SLC25A37: variants seen among roughly 807,000 people sequenced by gnomAD.
SLC25A37 encodes mitoferrin-1.
Under a neutral mutation model 31.0 loss-of-function variants are expected in SLC25A37, and 17 were observed. The observed-to-expected ratio is 0.55, with a 90% CI of 0.38 to 0.82. The LOEUF (loss-of-function observed/expected upper bound fraction) is 0.82. Among genes scored for constraint, SLC25A37 ranks in the 40% least tolerant of loss-of-function variants. The pLI is 0.00. For missense variants in SLC25A37, 404 were observed against 465.8 expected (o/e 0.87, Z 1.22); for synonymous variants, 222 against 193.0 (o/e 1.15, Z -1.24).
rs1348910599 is a variant in SLC25A37 at position 23,529,848 on chromosome 8, C to T, written c.210+636C>T. Among the ~76,000 whole-genome samples, 1 of 152,048 alleles carries T rather than the reference C, an allele frequency of 6.6e-6. No homozygotes were observed. The highest frequency in any genetic ancestry group is 2.4e-5 in the African/African-American group (1 of 41,394). On this transcript the variant is annotated intron_variant, in intron 1 of 3. Coordinates refer to ENST00000519973, the MANE Select transcript of SLC25A37 (RefSeq NM_016612.4). The surrounding 1 kb of genome is among the most constrained non-coding windows in gnomAD (Gnocchi z 4.1). ...TGCACTTCTTCCCCCGACTTTGGGT[C>T]GCCGAGCCGCCGGGAGGCAATGACG... is the stretch of plus-strand genomic sequence containing the variant.
intron 1 of SLC25A37, among the ~76,000 whole-genome samples, chr8:23,538,877 G>T (rs1022919753): frequency 1.3e-5 from 2 of 152,188 alleles, no homozygotes; most frequent in African/African-American, 4.8e-5. Flanking sequence ...CAGGTCTAGA[G>T]CCTACAGGGT....
At chr8:23,541,166 T>C (rs1801884627) in intron 1 of SLC25A37, among the ~76,000 whole-genome samples, 1 of 152,066 alleles carries the variant, frequency 6.6e-6, no homozygotes, top group Non-Finnish European at 1.5e-5. Context: ...CGTGGTAATG[T>C]AGACAGGGGA....
Position 23,573,397 on chromosome 8 carries a change from G to A in SLC25A37, c.*1542G>A. ...CCGTGCAAGGGAATACCGACGAGAC[G>A]AGCTGCACTGTCTCTGATTTGGAGC... On this transcript the variant is annotated 3_prime_UTR_variant, in exon 4 of 4. Transcript: ENST00000519973. The A allele has an allele frequency of 5.9e-6, 1 of 168,504 alleles. No individual in the cohort carries two copies. The highest frequency in any genetic ancestry group is 1.3e-5 in the Non-Finnish European group (1 of 76,978). 10.4% of individuals were successfully genotyped at this position (168,504 alleles called of 1,614,324 possible).
intron 1 of SLC25A37, among the ~76,000 whole-genome samples, chr8:23,547,385 T>G (rs1802096863): frequency 6.6e-6 from 1 of 152,178 alleles, no homozygotes. Context: ...CATTTTAGGG[T>G]GAATTGTAAT....
chr8:23,566,774 C>G, intron 2 of SLC25A37: 1 of 990,590 alleles, frequency 1.0e-6, no homozygotes, highest in Non-Finnish European at 1.2e-6. Flanking sequence ...ACTGGTACAA[C>G]AGGTCTCTAC....
chr8:23,530,638 G>A (rs573343891), intron 1 of SLC25A37, among the ~76,000 whole-genome samples: 3 of 152,336 alleles, frequency 2.0e-5, no homozygotes, highest in Admixed American at 2.0e-4. Context: ...CATTTGTATG[G>A]GAAAGAATCC....
chr8:23,538,881 A>G (rs1000212422), intron 1 of SLC25A37, among the ~76,000 whole-genome samples: 2 of 152,148 alleles, frequency 1.3e-5, no homozygotes, highest in Non-Finnish European at 2.9e-5. Context: ...TCTAGAGCCT[A>G]CAGGGTAGCG....
rs756006800 is a variant in SLC25A37, at chr8:23,571,553, A to G, written c.715A>G (p.Ile239Val). 2.2e-5 allele frequency: 36 copies of G among 1,613,670 alleles called. No individual in the cohort carries two copies. In the Admixed American group the frequency reaches 6.0e-4, roughly 27 times the overall value. Residue 239 changes from isoleucine to valine, a missense_variant, in exon 4 of 4, where the codon ATC (isoleucine) becomes GTC (valine). Coordinates refer to ENST00000519973, the MANE Select transcript of SLC25A37 (RefSeq NM_016612.4). ...GACCTACAACCCGCAGTCCCACATC[A>G]TCTCAGGCGGGCTGGCCGGGGCCCT... ...HRTYNPQSHI[I>V]SGGLAGALAA... is the part of the protein sequence containing the mutation.
At chr8:23,558,004 T>C (rs1324407054) in intron 1 of SLC25A37, among the ~76,000 whole-genome samples, 3 of 152,210 alleles carry the variant, frequency 2.0e-5, no homozygotes, top group Non-Finnish European at 4.4e-5. Context: ...GCTCATGGTA[T>C]CACAGTGCTT....
chr8:23,538,132 G>C (rs1226399216), intron 1 of SLC25A37, among the ~76,000 whole-genome samples: 1 of 151,898 alleles, frequency 6.6e-6, no homozygotes, highest in African/African-American at 2.4e-5. Context: ...TATAATCCCA[G>C]CACTTTGGGA....
chr8:23,532,967 A>G (rs1484029933), intron 1 of SLC25A37, among the ~76,000 whole-genome samples: 1 of 152,088 alleles, frequency 6.6e-6, no homozygotes, highest in Non-Finnish European at 1.5e-5. Flanking sequence ...TGAAATCCCA[A>G]ATTGCTCTAG....
At chr8:23,559,509 A>T (rs28470940) in intron 1 of SLC25A37, among the ~76,000 whole-genome samples, 6,471 of 152,116 alleles carry the variant, frequency 0.043, 456 homozygotes, top group African/African-American at 0.14. Context: ...AAAATTTCTC[A>T]TCTTACCCAT....
rs1284841347 is a variant in SLC25A37, at chr8:23,571,322, G to T, written c.497-13G>T. The T allele has an allele frequency of 1.9e-6, 3 of 1,551,718 alleles. No individual in the cohort carries two copies. The African/African-American group carries it at 4.1e-5, about 21-fold the overall frequency. On this transcript the variant is annotated splice_polypyrimidine_tract_variant and intron_variant, in intron 3 of 3. Transcript: ENST00000519973. ...GGCTGTCCGTCTGGCCTGCCCCGCG[G>T]TTCCAACCACAGTGGTGAAGCAGCG... is the stretch of plus-strand genomic sequence containing the variant.
At chr8:23,553,940 C>T (rs752287721) in intron 1 of SLC25A37, among the ~76,000 whole-genome samples, 6 of 152,148 alleles carry the variant, frequency 3.9e-5, no homozygotes, top group Non-Finnish European at 7.3e-5. Context: ...CAAGGTCAGG[C>T]ACAGAGGAGG....
At chr8:23,555,453 A>AG (rs1340348006) in intron 1 of SLC25A37, among the ~76,000 whole-genome samples, 1 of 152,090 alleles carries the variant, frequency 6.6e-6, no homozygotes, top group African/African-American at 2.4e-5. Flanking sequence ...TCCAAGGAGA[A>AG]GGGGGGTTTG....
At chr8:23,544,928 G>C (rs1295881593) in intron 1 of SLC25A37, among the ~76,000 whole-genome samples, 1 of 152,188 alleles carries the variant, frequency 6.6e-6, no homozygotes, top group Admixed American at 6.5e-5. Context: ...AACTTTCACT[G>C]TCGAACTAAG....
At chr8:23,570,296 A>G (rs1802786990) in intron 3 of SLC25A37, among the ~76,000 whole-genome samples, 1 of 151,704 alleles carries the variant, frequency 6.6e-6, no homozygotes, top group African/African-American at 2.4e-5. Flanking sequence ...ATCTTTCTCA[A>G]GAGATGTGAT....
At chr8:23,555,800 G>C (rs1802348607) in intron 1 of SLC25A37, among the ~76,000 whole-genome samples, 1 of 152,182 alleles carries the variant, frequency 6.6e-6, no homozygotes, top group Non-Finnish European at 1.5e-5. Context: ...GAGCCTTTAT[G>C]GTTTGTTCTC....
chr8:23,546,512 G>GGT (rs1491125042), intron 1 of SLC25A37, among the ~76,000 whole-genome samples: 1 of 66,950 alleles, frequency 1.5e-5, no homozygotes, highest in Non-Finnish European at 2.7e-5. Context: ...TATATATATA[G>GGT]GTATATATAT....
Sources: gnomAD v4.1 joint callset for allele counts (sites outside exome capture counted in the v4.1 genomes callset) on GRCh38, gnomAD v4.1.1 for gene constraint, Gnocchi (gnomAD v3.1) non-coding constraint, MANE v1.5 for transcripts, NCBI Gene and HGNC (gene_info 2026-07-23, HGNC 2026-07-21) for gene names.